The following EPS8 variants were observed in gnomAD, a reference collection of about 807,000 sequenced individuals.
The protein encoded by EPS8 is epidermal growth factor receptor kinase substrate 8.
In EPS8, 42 loss-of-function variants were observed where a neutral mutation model predicts 103.8. The ratio of observed to expected loss-of-function variants is 0.40; its 90% CI spans 0.32 to 0.52. The LOEUF (loss-of-function observed/expected upper bound fraction) is 0.52. Among genes scored for constraint, EPS8 ranks in the 20% least tolerant of loss-of-function variants. The probability of loss-of-function intolerance (pLI) is 0.40; values close to 1 mark genes in which losing one functional copy is unlikely to be tolerated. For synonymous variants in EPS8, 344 were observed against 344.6 expected (o/e 1.00, Z 0.02); for missense variants, 969 against 1,005.1 (o/e 0.96, Z 0.49).
chr12:15,748,032 A>AAAAC lies in EPS8; in HGVS notation c.-22+41128_-22+41129insGTTT, dbSNP rs553369711. Among the ~76,000 whole-genome samples the AAAAC allele has an allele frequency of 2.3e-3, 345 of 146,930 alleles. 2 individuals carry two copies. Among genetic ancestry groups the AAAAC allele is most frequent in the African/African-American group, 8.9e-3 (326 of 36,494 alleles). On this transcript the variant is annotated intron_variant, in intron 1 of 20. Transcript: ENST00000281172. This position sits in a 1 kb window ranked among gnomAD's most constrained non-coding sequence, Gnocchi z 4.8. ...AAGACTCCATCTCAAAATCAAAAACAAAAACAAAACAAAAAAAAGTAATGC... is the reference window on the plus strand; with the variant it reads ...AAGACTCCATCTCAAAATCAAAAACAAAACAAAACAAAACAAAAAAAAGTAATGC...
chr12:15,756,640 T>G (rs1281749013), intron 1 of EPS8, among the ~76,000 whole-genome samples: 2 of 152,202 alleles, frequency 1.3e-5, no homozygotes, highest in African/African-American at 4.8e-5. Flanking sequence ...GTTAATACAT[T>G]GTACCTTATA....
intron 1 of EPS8, among the ~76,000 whole-genome samples, chr12:15,753,667 G>C (rs1946956500): frequency 6.6e-6 from 1 of 152,084 alleles, no homozygotes; most frequent in Admixed American, 6.5e-5. Context: ...TATTTCTAGT[G>C]ATCAAAATAA....
At position 15,663,939 on chromosome 12, in the gene EPS8, A is replaced by ATT. The variant is rs61385343; in HGVS notation, c.736+1816_736+1817insAA. On this transcript the variant is annotated intron_variant, in intron 8 of 20. Coordinates refer to ENST00000281172, the MANE Select transcript of EPS8 (RefSeq NM_004447.6). The stretch of plus-strand genomic sequence containing the variant: ...CCATCTCAAAAAAAAAAAAAAAAAA[A>ATT]AAAAAAATAATATATATATATATAT... Among the ~76,000 whole-genome samples, 238 of 63,776 alleles carry ATT rather than the reference A, an allele frequency of 3.7e-3. 4 individuals carry two copies. The East Asian group carries it at 0.041, about 11-fold the overall frequency. 41.8% of individuals were successfully genotyped at this position (63,776 alleles called of 152,430 possible).
chr12:15,711,033 CTTATTTAT>C (rs143155444), intron 1 of EPS8, among the ~76,000 whole-genome samples: 3,801 of 136,442 alleles, frequency 0.028, 79 homozygotes, highest in South Asian at 0.049. Context: ...CCATGCCAGG[CTTATTTAT>C]TTATTTATTT....
At chr12:15,625,278 T>C (rs1944926868) in intron 18 of EPS8, among the ~76,000 whole-genome samples, 1 of 152,190 alleles carries the variant, frequency 6.6e-6, no homozygotes, top group Admixed American at 6.5e-5. Context: ...AGGCCTCAAG[T>C]TCTCTGCCTA....
chr12:15,744,273 T>C (rs1946853454), intron 1 of EPS8, among the ~76,000 whole-genome samples: 1 of 152,188 alleles, frequency 6.6e-6, no homozygotes, highest in African/African-American at 2.4e-5. Flanking sequence ...TAGCACTTTG[T>C]TAAAAGAGCT....
At position 15,777,695 on chromosome 12, in the gene EPS8, T is replaced by G. The variant is rs761108107; in HGVS notation, c.-22+11466A>C. ...GCTATCAAAGTTATGAAAAATATAC[T>G]TTTCTATTAAAGCCATCTGAGGATT... On this transcript the variant is annotated intron_variant, in intron 1 of 20. Transcript: ENST00000281172. The surrounding 1 kb of genome is among the most constrained non-coding windows in gnomAD (Gnocchi z 4.7). Among the ~76,000 whole-genome samples the G allele has an allele frequency of 2.6e-5, 4 of 152,130 alleles. No individual in the cohort carries two copies. The highest frequency in any genetic ancestry group is 5.9e-5 in the Non-Finnish European group (4 of 68,030).
Position 15,769,633 on chromosome 12 carries a change from T to C in EPS8, c.-22+19528A>G, listed in dbSNP as rs1184219227. ...TATTTATGATTTAAAATAATCTCTA[T>C]ATAATTATTCTGCACATCACGAGAA... On this transcript the variant is annotated intron_variant, in intron 1 of 20. Coordinates refer to ENST00000281172, the MANE Select transcript of EPS8 (RefSeq NM_004447.6). This position sits in a 1 kb window ranked among gnomAD's most constrained non-coding sequence, Gnocchi z 4.6. 6.6e-6 allele frequency among the ~76,000 whole-genome samples: 1 copy of C among 152,238 alleles called. No individual in the cohort carries two copies. The highest frequency in any genetic ancestry group is 1.5e-5 in the Non-Finnish European group (1 of 68,042).
At chr12:15,630,551 T>C (rs1423205818) in intron 18 of EPS8, among the ~76,000 whole-genome samples, 1 of 152,214 alleles carries the variant, frequency 6.6e-6, no homozygotes, top group Non-Finnish European at 1.5e-5. Context: ...ATATGAAACA[T>C]CAAATTTCAA....
rs1436643608 is a variant in EPS8, at chr12:15,745,091, G to A, written c.-22+44070C>T. 6.6e-6 allele frequency among the ~76,000 whole-genome samples: 1 copy of A among 152,200 alleles called. No individual in the cohort carries two copies. Among genetic ancestry groups the A allele is most frequent in the East Asian group, 1.9e-4 (1 of 5,166 alleles). On this transcript the variant is annotated intron_variant, in intron 1 of 20. Coordinates refer to ENST00000281172, the MANE Select transcript of EPS8 (RefSeq NM_004447.6). The surrounding 1 kb of genome is among the most constrained non-coding windows in gnomAD (Gnocchi z 4.6). ...TTGGACAGGATGGTCTCGATCTCCT[G>A]ACCTCGTGATCCACCCACCTCAGCC...
intron 1 of EPS8, among the ~76,000 whole-genome samples, chr12:15,689,700 A>G (rs1946146031): frequency 6.6e-6 from 1 of 152,244 alleles, no homozygotes; most frequent in Admixed American, 6.5e-5. Context: ...AGTATTAACT[A>G]TAGTCACTGT....
chr12:15,622,882 T>G (rs909052768), intron 20 of EPS8, among the ~76,000 whole-genome samples: 1 of 152,166 alleles, frequency 6.6e-6, no homozygotes, highest in Non-Finnish European at 1.5e-5. Context: ...AAAATTAAAT[T>G]TCCTATAGAA....
intron 12 of EPS8, among the ~76,000 whole-genome samples, chr12:15,657,443 T>G (rs1945527222): frequency 6.6e-6 from 1 of 152,200 alleles, no homozygotes; most frequent in Non-Finnish European, 1.5e-5. Context: ...GCATAGCACG[T>G]GATTTTTAGA....
intron 8 of EPS8, among the ~76,000 whole-genome samples, chr12:15,662,999 C>CAAAAAAA (rs5796644): frequency 3.1e-5 from 4 of 128,688 alleles, no homozygotes; most frequent in African/African-American, 5.8e-5. Flanking sequence ...CACTTGCCAA[C>CAAAAAAA]AAAAAAAAAA....
chr12:15,707,448 C>A (rs781750922), intron 1 of EPS8, among the ~76,000 whole-genome samples: 1 of 151,968 alleles, frequency 6.6e-6, no homozygotes. Flanking sequence ...TTAATCAATA[C>A]CCAACTGAAC....
In EPS8 at chr12:15,736,207, A is replaced by G. The variant is rs1254837287; in HGVS notation, c.-22+52954T>C. ...GGGCCGAGTTTGTGTTTTAAACCAA[A>G]AACTATCCTAGTATCATGTCACTTT... is the stretch of plus-strand genomic sequence containing the variant. On this transcript the variant is annotated intron_variant, in intron 1 of 20. Coordinates refer to ENST00000281172, the MANE Select transcript of EPS8 (RefSeq NM_004447.6). This position sits in a 1 kb window ranked among gnomAD's most constrained non-coding sequence, Gnocchi z 4.2. 6.6e-6 allele frequency among the ~76,000 whole-genome samples: 1 copy of G among 152,208 alleles called. No individual in the cohort carries two copies. Among genetic ancestry groups the G allele is most frequent in the Non-Finnish European group, 1.5e-5 (1 of 68,032 alleles).
At chr12:15,662,579 T>C in intron 8 of EPS8, 2 of 985,906 alleles carry the variant, frequency 2.0e-6, no homozygotes, top group South Asian at 4.7e-5. Flanking sequence ...AATTCTAGTG[T>C]AATTAAGCTT....
intron 1 of EPS8, among the ~76,000 whole-genome samples, chr12:15,724,437 G>A (rs1025396057): frequency 1.3e-5 from 2 of 151,866 alleles, no homozygotes; most frequent in South Asian, 2.1e-4. Context: ...AAAGACATAC[G>A]ATATACATAT....
intron 20 of EPS8, among the ~76,000 whole-genome samples, chr12:15,622,368 G>A (rs900195000): frequency 6.6e-6 from 1 of 152,114 alleles, no homozygotes; most frequent in African/African-American, 2.4e-5. Flanking sequence ...TGGCTACGGG[G>A]TGATACGCAT....
Sources: allele counts gnomAD v4.1 joint callset (sites outside exome capture counted in the v4.1 genomes callset), GRCh38; gene constraint gnomAD v4.1.1; non-coding constraint Gnocchi (gnomAD v3.1); transcripts MANE v1.5; gene names NCBI Gene and HGNC (gene_info 2026-07-23, HGNC 2026-07-21).